The following ZMIZ1 variants were observed in gnomAD, a reference collection of about 807,000 sequenced individuals.
The protein encoded by ZMIZ1 is zinc finger MIZ-type containing 1, also known as zinc finger MIZ domain-containing protein 1.
A neutral mutation model predicts 113.9 loss-of-function variants in ZMIZ1; 17 were observed. The ratio of observed to expected loss-of-function variants is 0.15; its 90% CI spans 0.10 to 0.22. The LOEUF is 0.22. Among genes scored for constraint, ZMIZ1 ranks in the 10% least tolerant of loss-of-function variants. The pLI, the probability that ZMIZ1 is intolerant of heterozygous loss-of-function variation, is 1.00. For synonymous variants in ZMIZ1, 607 were observed against 603.1 expected (o/e 1.01, Z -0.09); for missense variants, 1,059 against 1,477.8 (o/e 0.72, Z 4.65).
intron 7 of ZMIZ1, among the ~76,000 whole-genome samples, chr10:79,250,716 C>T (rs1397817066): frequency 6.6e-6 from 1 of 152,196 alleles, no homozygotes; most frequent in Non-Finnish European, 1.5e-5. Flanking sequence ...TGAGGTGGCC[C>T]TTGGGGTCCA....
chr10:79,076,959 C>T (rs1564636747), intron 1 of ZMIZ1, among the ~76,000 whole-genome samples: 2 of 152,206 alleles, frequency 1.3e-5, no homozygotes, highest in Non-Finnish European at 2.9e-5. Flanking sequence ...CCCCTCCAGC[C>T]AGCCCTCCAG....
At chr10:79,306,425 G>A in intron 22 of ZMIZ1, 81 bp downstream of exon 22, 1 of 1,559,202 alleles carries the variant, frequency 6.4e-7, no homozygotes, top group South Asian at 1.2e-5. Context: ...CTGTGCTGAT[G>A]GTGGCAGGGG....
At chr10:79,147,253 C>T (rs973429229) in intron 3 of ZMIZ1, among the ~76,000 whole-genome samples, 2 of 152,154 alleles carry the variant, frequency 1.3e-5, no homozygotes, top group Non-Finnish European at 2.9e-5. Flanking sequence ...GGACGACTGA[C>T]CTCCCTGCCC....
At chr10:79,115,722 G>A (rs1460955552) in intron 1 of ZMIZ1, among the ~76,000 whole-genome samples, 1 of 152,232 alleles carries the variant, frequency 6.6e-6, no homozygotes, top group Non-Finnish European at 1.5e-5. Context: ...CTGCAAATGT[G>A]GGGGCGAGAG....
chr10:79,277,567 C>T (rs1025846516), intron 8 of ZMIZ1, among the ~76,000 whole-genome samples: 29 of 152,214 alleles, frequency 1.9e-4, no homozygotes, highest in Admixed American at 1.2e-3. Flanking sequence ...AGGCTTCTGG[C>T]AGAACGTTAG....
intron 1 of ZMIZ1, among the ~76,000 whole-genome samples, chr10:79,103,646 C>T (rs1843447746): frequency 1.3e-5 from 2 of 152,048 alleles, no homozygotes; most frequent in Admixed American, 6.5e-5. Flanking sequence ...CTGTTGACAT[C>T]GGAGTGGAGA....
At chr10:79,196,476 G>A (rs996146263) in intron 4 of ZMIZ1, among the ~76,000 whole-genome samples, 1 of 152,176 alleles carries the variant, frequency 6.6e-6, no homozygotes, top group Non-Finnish European at 1.5e-5. Flanking sequence ...GTAGATAGGG[G>A]ACCTGAAAGC....
At chr10:79,175,579 TCTG>T (rs1846798871) in intron 4 of ZMIZ1, among the ~76,000 whole-genome samples, 1 of 141,708 alleles carries the variant, frequency 7.1e-6, no homozygotes, top group African/African-American at 2.7e-5. Context: ...ATCTGTGCAC[TCTG>T]CGTGTGTGTG....
intron 8 of ZMIZ1, among the ~76,000 whole-genome samples, chr10:79,287,356 T>C (rs575465665): frequency 7.2e-5 from 11 of 152,392 alleles, no homozygotes; most frequent in African/African-American, 2.6e-4. Flanking sequence ...CCCAAGCATC[T>C]GGATCTTCAA....
intron 3 of ZMIZ1, among the ~76,000 whole-genome samples, chr10:79,146,862 C>G (rs561453685): frequency 1.3e-5 from 2 of 152,324 alleles, no homozygotes; most frequent in South Asian, 4.2e-4. Context: ...AGAAGGGCAG[C>G]CGGTCACTTG....
At chr10:79,134,328 AG>A (rs533491112) in intron 2 of ZMIZ1, among the ~76,000 whole-genome samples, 202 of 152,374 alleles carry the variant, frequency 1.3e-3, no homozygotes, top group African/African-American at 4.8e-3. Flanking sequence ...CCAGCAAAAC[AG>A]TGACCAGGGA....
intron 7 of ZMIZ1, among the ~76,000 whole-genome samples, chr10:79,266,733 C>T (rs1234758935): frequency 6.6e-6 from 1 of 152,192 alleles, no homozygotes; most frequent in Non-Finnish European, 1.5e-5. Context: ...TGGGAGATGA[C>T]CCAAGAGAGC....
chr10:79,286,376 C>T (rs1455596708), intron 8 of ZMIZ1, among the ~76,000 whole-genome samples: 1 of 152,190 alleles, frequency 6.6e-6, no homozygotes, highest in South Asian at 2.1e-4. Context: ...TGGGGGCCTG[C>T]GGGGGCGAGA....
chr10:79,301,041 T>G, intron 17 of ZMIZ1, 99 bp downstream of exon 17: 1 of 1,499,386 alleles, frequency 6.7e-7, no homozygotes, highest in Non-Finnish European at 8.9e-7. Flanking sequence ...CTCAGCCTTG[T>G]CCCTGCGTCA....
intron 4 of ZMIZ1, 134 bp from the exon 5 acceptor site, chr10:79,201,450 C>A: frequency 1.5e-6 from 1 of 671,314 alleles, no homozygotes; most frequent in Non-Finnish European, 2.6e-6. Context: ...GTGGGGTACC[C>A]CAGGTGCAGC....
chr10:79,235,526 A>AT (rs959712695), intron 7 of ZMIZ1, among the ~76,000 whole-genome samples: 3 of 152,134 alleles, frequency 2.0e-5, no homozygotes, highest in Non-Finnish European at 4.4e-5. Flanking sequence ...CTCAGCTCAT[A>AT]TGCCTCAGGT....
chr10:79,291,360 T>C (rs1294384260), intron 10 of ZMIZ1, among the ~76,000 whole-genome samples, 184 bp downstream of exon 10: 1 of 152,264 alleles, frequency 6.6e-6, no homozygotes, highest in Admixed American at 6.5e-5. Context: ...GATAAGGCGC[T>C]GCAGCAGTTG....
intron 7 of ZMIZ1, among the ~76,000 whole-genome samples, chr10:79,238,145 T>G (rs1020774639): frequency 1.3e-5 from 2 of 152,182 alleles, no homozygotes; most frequent in African/African-American, 4.8e-5. Context: ...CTGGTTCACG[T>G]GCCCCCTCCC....
Position 79,218,646 on chromosome 10 carries a change from C to T in ZMIZ1, c.280+2372C>T, listed in dbSNP as rs183415668. Among the ~76,000 whole-genome samples the T allele has an allele frequency of 3.9e-4, 56 of 142,210 alleles. No homozygotes were observed. The East Asian group carries it at 9.4e-3, about 24-fold the overall frequency. 93.3% of individuals were successfully genotyped at this position (142,210 alleles called of 152,430 possible). A position where few individuals can be genotyped will look rare whatever the true frequency, so the allele number is the denominator to read the frequency against. ...GTGTAAGCTCAAGCTGTGATAAGTG[C>T]CTTGAAGGAAAAGTAAAAGTGAAGG... On this transcript the variant is annotated intron_variant, in intron 7 of 24. Transcript: ENST00000334512.
Sources: allele counts gnomAD v4.1 joint callset (sites outside exome capture counted in the v4.1 genomes callset), GRCh38; gene constraint gnomAD v4.1.1; transcripts MANE v1.5; gene names NCBI Gene and HGNC (gene_info 2026-07-23, HGNC 2026-07-21).